FGF12: variants seen among roughly 807,000 people sequenced by gnomAD.
FGF12 encodes the protein fibroblast growth factor 12B.
In FGF12, 14 loss-of-function variants were observed where a neutral mutation model predicts 23.6. The ratio of observed to expected loss-of-function variants is 0.59; its 90% CI spans 0.39 to 0.93. The LOEUF (loss-of-function observed/expected upper bound fraction) is 0.93. Ranked by LOEUF, FGF12 falls within the 40% of genes least tolerant of loss-of-function variation. The pLI, the probability that FGF12 is intolerant of heterozygous loss-of-function variation, is 0.00. For missense variants in FGF12, 175 were observed against 217.8 expected (o/e 0.80, Z 1.24); for synonymous variants, 62 against 77.3 (o/e 0.80, Z 1.04).
chr3:192,376,271 G>C (rs927999490), intron 2 of FGF12, among the ~76,000 whole-genome samples: 1 of 151,472 alleles, frequency 6.6e-6, no homozygotes, highest in Non-Finnish European at 1.5e-5. Context: ...ATTATTTAGA[G>C]CTTATTTTTG....
Position 192,407,959 on chromosome 3 carries a change from G to C in FGF12, c.14-47421C>G. Reference sequence around the variant, plus strand: ...TGGTTCCCTTCCACGGGGGTCCCGAGGTGCTTTGAGGAGGGAGAAAGAGGG... The same window carrying C: ...TGGTTCCCTTCCACGGGGGTCCCGACGTGCTTTGAGGAGGGAGAAAGAGGG... On this transcript the variant is annotated intron_variant, in intron 2 of 5. Coordinates refer to ENST00000445105, the MANE Select transcript of FGF12 (RefSeq NM_004113.6). 9 of 1,486,838 alleles carry C rather than the reference G, an allele frequency of 6.1e-6. No individual in the cohort carries two copies. The South Asian group carries it at 1.2e-4, about 20-fold the overall frequency. 92.1% of individuals were successfully genotyped at this position (1,486,838 alleles called of 1,614,324 possible).
intron 4 of FGF12, among the ~76,000 whole-genome samples, chr3:192,252,389 G>A (rs909305031): frequency 2.2e-5 from 3 of 136,944 alleles, no homozygotes; most frequent in African/African-American, 8.2e-5. Context: ...CTTGAACCCA[G>A]GAAGTGGAGG....
At chr3:192,487,500 G>A (rs1240716844) in intron 2 of FGF12, among the ~76,000 whole-genome samples, 4 of 152,010 alleles carry the variant, frequency 2.6e-5, no homozygotes, top group Admixed American at 6.6e-5. Context: ...TCTCAAGCTC[G>A]CCTGTTCGAT....
intron 2 of FGF12, among the ~76,000 whole-genome samples, chr3:192,691,715 A>G (rs1039421765): frequency 6.6e-6 from 1 of 152,048 alleles, no homozygotes; most frequent in Non-Finnish European, 1.5e-5. Flanking sequence ...AATAGAAACT[A>G]GAACTATTTA....
Position 192,711,407 on chromosome 3 carries a change from AG to A in FGF12, c.13+15773del, listed in dbSNP as rs1313746046. ...GCCCGGCCGCCCCTTCTGGGAAGTG[AG>A]GAGCCCCTCTGCCCGGCCGCCACCC... On this transcript the variant is annotated intron_variant, in intron 2 of 5. Transcript: ENST00000445105. 1.7e-4 allele frequency among the ~76,000 whole-genome samples: 25 copies of A among 149,334 alleles called. 1 individual carries two copies. Among genetic ancestry groups the A allele is most frequent in the East Asian group, 7.8e-4 (4 of 5,132 alleles).
chr3:192,265,754 CAG>C (rs749192816), intron 4 of FGF12, among the ~76,000 whole-genome samples: 1 of 151,836 alleles, frequency 6.6e-6, no homozygotes, highest in Non-Finnish European at 1.5e-5. Context: ...GTAATTGTGA[CAG>C]AGATTGTGCA....
chr3:192,255,137 T>C (rs1261257976), intron 4 of FGF12, among the ~76,000 whole-genome samples: 1 of 151,952 alleles, frequency 6.6e-6, no homozygotes, highest in African/African-American at 2.4e-5. Flanking sequence ...AAAATGTGAA[T>C]TAACAGCACA....
intron 4 of FGF12, among the ~76,000 whole-genome samples, chr3:192,263,527 T>TA (rs1389327462): frequency 6.8e-6 from 1 of 147,458 alleles, no homozygotes; most frequent in Admixed American, 6.8e-5. Context: ...GGTGTTGTTT[T>TA]AAAAAAATAA....
rs368136095 is a variant in FGF12 at position 192,727,213 on chromosome 3, T to C, written c.-20A>G. Reference sequence around the variant, plus strand: ...CTCCATTTCGGTCCCTTTCGAGTGCTGGGAAGTTCAATGGAAGTTGGCCGG... The same window carrying C: ...CTCCATTTCGGTCCCTTTCGAGTGCCGGGAAGTTCAATGGAAGTTGGCCGG... On this transcript the variant is annotated 5_prime_UTR_variant, in exon 2 of 6. Coordinates refer to ENST00000445105, the MANE Select transcript of FGF12 (RefSeq NM_004113.6). The C allele has an allele frequency of 6.3e-7, 1 of 1,577,044 alleles. No homozygotes were observed. Among genetic ancestry groups the C allele is most frequent in the Non-Finnish European group, 8.6e-7 (1 of 1,161,074 alleles).
At chr3:192,619,642 A>C in intron 2 of FGF12, among the ~76,000 whole-genome samples, 1 of 152,138 alleles carries the variant, frequency 6.6e-6, no homozygotes, top group East Asian at 1.9e-4. Context: ...CCAAGTAGTA[A>C]ACCCAATTCT....
intron 2 of FGF12, among the ~76,000 whole-genome samples, chr3:192,457,765 A>T (rs899539026): frequency 6.6e-6 from 1 of 152,216 alleles, no homozygotes; most frequent in Non-Finnish European, 1.5e-5. Flanking sequence ...CAGAAATTTG[A>T]ATAAGTAGCA....
intron 2 of FGF12, among the ~76,000 whole-genome samples, chr3:192,655,732 A>G (rs1220552160): frequency 6.6e-6 from 1 of 152,194 alleles, no homozygotes; most frequent in African/African-American, 2.4e-5. Flanking sequence ...TCCCATGCTA[A>G]TATGGCCTAG....
intron 2 of FGF12, among the ~76,000 whole-genome samples, chr3:192,723,319 C>T (rs950446429): frequency 2.0e-5 from 3 of 151,966 alleles, no homozygotes; most frequent in African/African-American, 7.3e-5. Context: ...AACCAGAAGA[C>T]CTAGAACATG....
Position 192,427,421 on chromosome 3 carries a change from G to C in FGF12, c.14-66883C>G, listed in dbSNP as rs114682371. Among the ~76,000 whole-genome samples the C allele has an allele frequency of 9.3e-3, 1,408 of 151,508 alleles. 27 individuals carry two copies. Among genetic ancestry groups the C allele is most frequent in the African/African-American group, 0.032 (1,340 of 41,272 alleles). ...GAGTAGAAGTAGAAGAGTGTAAGTT[G>C]TTTAACACTTTCTCATGATGTACGT... On this transcript the variant is annotated intron_variant, in intron 2 of 5. Coordinates refer to ENST00000445105, the MANE Select transcript of FGF12 (RefSeq NM_004113.6).
At chr3:192,513,720 A>G (rs1244391629) in intron 2 of FGF12, among the ~76,000 whole-genome samples, 1 of 152,214 alleles carries the variant, frequency 6.6e-6, no homozygotes, top group Admixed American at 6.5e-5. Context: ...CCAAAAACGT[A>G]TATTTCTTGG....
chr3:192,584,663 A>G (rs1399169363), intron 2 of FGF12, among the ~76,000 whole-genome samples: 1 of 152,120 alleles, frequency 6.6e-6, no homozygotes, highest in Non-Finnish European at 1.5e-5. Context: ...ACAAAATCTG[A>G]TACTCCTGTC....
chr3:192,485,852 AAATT>A (rs1273019798), intron 2 of FGF12, among the ~76,000 whole-genome samples: 2 of 152,204 alleles, frequency 1.3e-5, no homozygotes, highest in African/African-American at 2.4e-5. Flanking sequence ...ATTAAACATT[AAATT>A]AATATTGCTA....
chr3:192,685,923 T>C (rs1224722804), intron 2 of FGF12, among the ~76,000 whole-genome samples: 1 of 152,116 alleles, frequency 6.6e-6, no homozygotes, highest in African/African-American at 2.4e-5. Flanking sequence ...GAGAATATAC[T>C]GTAAGTGGCA....
In FGF12 at chr3:192,669,302, T is replaced by C. The variant is rs188730763; in HGVS notation, c.13+57879A>G. ...TTGACAGATGGAACAGCTCTTAAAG[T>C]GTGGTCCCAGCACAGTGGTTCACGC... On this transcript the variant is annotated intron_variant, in intron 2 of 5. Coordinates refer to ENST00000445105, the MANE Select transcript of FGF12 (RefSeq NM_004113.6). Among the ~76,000 whole-genome samples the C allele has an allele frequency of 5.9e-5, 9 of 152,148 alleles. No homozygotes were observed. The East Asian group carries it at 7.7e-4, about 13-fold the overall frequency.
Sources: allele counts gnomAD v4.1 joint callset (sites outside exome capture counted in the v4.1 genomes callset), GRCh38; gene constraint gnomAD v4.1.1; transcripts MANE v1.5; gene names NCBI Gene and HGNC (gene_info 2026-07-23, HGNC 2026-07-21).